The following DYM variants were observed in gnomAD, a reference collection of about 807,000 sequenced individuals.
DYM encodes dymeclin.
A neutral mutation model predicts 93.1 loss-of-function variants in DYM; 78 were observed. The observed-to-expected ratio is 0.84, with a 90% CI of 0.70 to 1.01. The LOEUF (loss-of-function observed/expected upper bound fraction) is 1.01, where lower values mean the gene tolerates loss of function less well. Among genes scored for constraint, DYM ranks in the 50% least tolerant of loss-of-function variants. The pLI, the probability that DYM is intolerant of heterozygous loss-of-function variation, is 0.00. For missense variants in DYM, 789 were observed against 845.0 expected (o/e 0.93, Z 0.82); for synonymous variants, 321 against 319.7 (o/e 1.00, Z -0.04).
chr18:49,128,466 T>C (rs1443354076), intron 15 of DYM, among the ~76,000 whole-genome samples: 1 of 152,190 alleles, frequency 6.6e-6, no homozygotes, highest in African/African-American at 2.4e-5. Flanking sequence ...GGAAGATGTG[T>C]CTTTTTTAAA....
At chr18:49,091,164 C>T (rs909895172) in intron 17 of DYM, among the ~76,000 whole-genome samples, 1 of 152,104 alleles carries the variant, frequency 6.6e-6, no homozygotes, top group Non-Finnish European at 1.5e-5. Flanking sequence ...TTCCTCCCTC[C>T]CTCCCATTCA....
intron 11 of DYM, among the ~76,000 whole-genome samples, chr18:49,259,786 G>A (rs922164972): frequency 2.0e-5 from 3 of 152,118 alleles, no homozygotes; most frequent in Non-Finnish European, 2.9e-5. Context: ...AGGGTAAAGT[G>A]GGTAGATGAA....
intron 14 of DYM, among the ~76,000 whole-genome samples, chr18:49,179,771 T>C (rs887056264): frequency 3.3e-5 from 5 of 152,158 alleles, no homozygotes; most frequent in Admixed American, 2.6e-4. Flanking sequence ...CCTCTGTATG[T>C]AAATGCTTTG....
rs545447957 is a variant in DYM at position 49,313,726 on chromosome 18, C to A, written c.763+18138G>T. ...TTACTGTATGGATTCACCTAGAATT[C>A]TTTCTTGTGCAAAATCCAAGAACCC... On this transcript the variant is annotated intron_variant, in intron 8 of 17. Transcript: ENST00000675505. Among the ~76,000 whole-genome samples the A allele has an allele frequency of 3.4e-4, 52 of 152,158 alleles. 1 individual carries two copies. Among genetic ancestry groups the A allele is most frequent in the Admixed American group, 3.9e-4 (6 of 15,282 alleles).
chr18:49,356,294 C>T (rs1355551994), intron 6 of DYM, among the ~76,000 whole-genome samples: 1 of 152,074 alleles, frequency 6.6e-6, no homozygotes, highest in African/African-American at 2.4e-5. Context: ...TGGTTTTTTA[C>T]CAGGAAAAAT....
chr18:49,442,759 A>G (rs764795720), intron 1 of DYM, among the ~76,000 whole-genome samples: 4 of 152,160 alleles, frequency 2.6e-5, no homozygotes, highest in African/African-American at 4.8e-5. Flanking sequence ...ACTCACCACA[A>G]ACTATGGCGT....
intron 13 of DYM, among the ~76,000 whole-genome samples, chr18:49,247,056 A>T (rs951209571): frequency 1.3e-5 from 2 of 152,212 alleles, no homozygotes; most frequent in Admixed American, 1.3e-4. Flanking sequence ...GAAGACAGAG[A>T]TGGTGTCTCT....
chr18:49,302,556 TG>T (rs1223068964), intron 8 of DYM, among the ~76,000 whole-genome samples: 1 of 152,172 alleles, frequency 6.6e-6, no homozygotes, highest in African/African-American at 2.4e-5. Context: ...TGATGAGATA[TG>T]TGATCCATAA....
intron 3 of DYM, among the ~76,000 whole-genome samples, chr18:49,383,285 TA>T (rs946561232): frequency 1.3e-5 from 2 of 152,130 alleles, no homozygotes; most frequent in Admixed American, 6.6e-5. Context: ...AAGATAGTGG[TA>T]TTTTTTTTTA....
intron 16 of DYM, among the ~76,000 whole-genome samples, chr18:49,108,569 T>C (rs956232934): frequency 6.6e-6 from 1 of 152,244 alleles, no homozygotes; most frequent in Non-Finnish European, 1.5e-5. Flanking sequence ...TTCTATTCAA[T>C]AGTTTAATTT....
At chr18:49,131,712 C>T (rs1257050610) in intron 15 of DYM, among the ~76,000 whole-genome samples, 2 of 152,150 alleles carry the variant, frequency 1.3e-5, no homozygotes, top group African/African-American at 4.8e-5. Context: ...GACAATCATA[C>T]CTTCTCATTT....
chr18:49,289,727 G>GTATATATATATATATATATATATATA (rs386387632), intron 8 of DYM, among the ~76,000 whole-genome samples: 6 of 85,070 alleles, frequency 7.1e-5, no homozygotes, highest in Non-Finnish European at 1.1e-4. Flanking sequence ...ATATATATGT[G>GTATATATATATATATATATATATATA]TATATATATA....
chr18:49,207,953 A>T (rs532101830), intron 14 of DYM, among the ~76,000 whole-genome samples: 8 of 152,150 alleles, frequency 5.3e-5, no homozygotes, highest in African/African-American at 1.7e-4. Context: ...GAGGCCGAGG[A>T]GGGCAGATCA....
chr18:49,183,016 A>T (rs768064697), intron 14 of DYM, among the ~76,000 whole-genome samples: 1 of 152,242 alleles, frequency 6.6e-6, no homozygotes, highest in Non-Finnish European at 1.5e-5. Flanking sequence ...GTAGAAACTT[A>T]AGGAACACTG....
At chr18:49,393,912 T>C (rs1490454852) in intron 2 of DYM, among the ~76,000 whole-genome samples, 2 of 152,184 alleles carry the variant, frequency 1.3e-5, no homozygotes, top group African/African-American at 4.8e-5. Context: ...TGATTCCTCT[T>C]ATATGAGGCT....
intron 6 of DYM, among the ~76,000 whole-genome samples, chr18:49,347,187 C>G (rs551523468): frequency 6.6e-6 from 1 of 152,120 alleles, no homozygotes; most frequent in East Asian, 1.9e-4. Flanking sequence ...TAGGTCATCC[C>G]TATATTTGTG....
chr18:49,205,889 TC>T (rs1332809977), intron 14 of DYM: 1 of 162,108 alleles, frequency 6.2e-6, no homozygotes, highest in African/African-American at 2.4e-5. Flanking sequence ...ACAGAAGTGC[TC>T]TCTTTCAGGG....
intron 13 of DYM, among the ~76,000 whole-genome samples, chr18:49,215,190 G>C (rs1197282022): frequency 6.6e-6 from 1 of 152,138 alleles, no homozygotes; most frequent in Non-Finnish European, 1.5e-5. Flanking sequence ...TTACACTACA[G>C]TCTTTAAATA....
At chr18:49,456,365 C>A (rs1193296599) in intron 1 of DYM, among the ~76,000 whole-genome samples, 1 of 152,122 alleles carries the variant, frequency 6.6e-6, no homozygotes, top group Non-Finnish European at 1.5e-5. Flanking sequence ...CTAACTGATA[C>A]AGGTAGGGTT....
Sources: gnomAD v4.1 joint callset for allele counts (sites outside exome capture counted in the v4.1 genomes callset) on GRCh38, gnomAD v4.1.1 for gene constraint, MANE v1.5 for transcripts, NCBI Gene and HGNC (gene_info 2026-07-23, HGNC 2026-07-21) for gene names.